TIMELESS: variants seen among roughly 807,000 people sequenced by gnomAD.
TIMELESS encodes timeless circadian regulator, also known as protein timeless homolog.
TIMELESS carries 124 observed loss-of-function variants against 164.3 expected under a neutral mutation model. The observed-to-expected ratio is 0.75, with a 90% CI of 0.65 to 0.88. TIMELESS has a LOEUF of 0.88. Among genes scored for constraint, TIMELESS ranks in the 40% least tolerant of loss-of-function variants. The pLI is 0.00. For synonymous variants in TIMELESS, 564 were observed against 563.4 expected, an observed-to-expected ratio of 1.00 and a Z score of -0.02; for missense variants, 1,422 against 1,491.4, an observed-to-expected ratio of 0.95 and a Z score of 0.77.
chr12:56,442,083 C>CAAAAAAA (rs34126247), intron 1 of TIMELESS, among the ~76,000 whole-genome samples: 5 of 94,306 alleles, frequency 5.3e-5, no homozygotes, highest in Non-Finnish European at 5.9e-5. Context: ...GACTCCGTCT[C>CAAAAAAA]AAAAAAAAAA....
intron 1 of TIMELESS, among the ~76,000 whole-genome samples, chr12:56,444,391 CAT>C (rs1371065761): frequency 6.6e-6 from 1 of 152,178 alleles, no homozygotes; most frequent in Non-Finnish European, 1.5e-5. Context: ...AGCCTAAAAA[CAT>C]ACATATTTCA....
chr12:56,431,722 G>T, intron 7 of TIMELESS, 118 bp from the exon 8 acceptor site: 1 of 1,286,826 alleles, frequency 7.8e-7, no homozygotes, highest in Non-Finnish European at 1.0e-6. Context: ...GCATTGTGCT[G>T]TCGTTCTCCC....
At chr12:56,440,509 C>A (rs1456332404) in intron 1 of TIMELESS, among the ~76,000 whole-genome samples, 1 of 152,210 alleles carries the variant, frequency 6.6e-6, no homozygotes, top group Non-Finnish European at 1.5e-5. Flanking sequence ...CAAGGATCCT[C>A]TTTGAGACCC....
chr12:56,434,089 C>T lies in TIMELESS; in HGVS notation c.82G>A (p.Glu28Lys), dbSNP rs747269036. 2 of 1,614,094 alleles carry T rather than the reference C, an allele frequency of 1.2e-6. No homozygotes were observed. The change falls in exon 2 of 29, where the codon GAA (glutamate) becomes AAA (lysine). Residue 28 changes from glutamate (E) to lysine (K), a missense_variant. Transcript: ENST00000553532. ...AGGTACTCACCTAAGCAATCTGGTT[C>T]CTTATGGTAAGTGTCTCCCTCCAAG... is the stretch of plus-strand genomic sequence containing the variant. ...GYLEGDTYHK[E>K]PDCLESVKDL...
rs1282539914 is a variant in TIMELESS, at chr12:56,433,602, G to T, written c.302C>A (p.Pro101His). 4.3e-6 allele frequency: 7 copies of T among 1,614,098 alleles called. No homozygotes were observed. Among genetic ancestry groups the T allele is most frequent in the African/African-American group, 1.3e-5 (1 of 74,944 alleles). Reference protein sequence around the residue: ...QPALLCFGNLPKEPSFRHHFL... With the variant: ...QPALLCFGNLHKEPSFRHHFL... ...ATGGTGCCGAAAGCTGGGCTCCTTAGGCAGATTGCCAAAACAGAGCAAGGC... is the reference window on the plus strand; with the variant it reads ...ATGGTGCCGAAAGCTGGGCTCCTTATGCAGATTGCCAAAACAGAGCAAGGC... Residue 101 changes from proline to histidine, a missense_variant, in exon 4 of 29, where the codon CCT (proline) becomes CAT (histidine). Coordinates refer to ENST00000553532, the MANE Select transcript of TIMELESS (RefSeq NM_003920.5).
At chr12:56,429,495 GTCTTTT>G (rs1881796863) in intron 10 of TIMELESS, among the ~76,000 whole-genome samples, 2 of 116,002 alleles carry the variant, frequency 1.7e-5, no homozygotes, top group Non-Finnish European at 3.4e-5. Context: ...ACTGCGCCTG[GTCTTTT>G]TTTTTTTTTT....
intron 28 of TIMELESS, 58 bp from the exon 29 acceptor site, chr12:56,417,844 G>A (rs369605266): frequency 6.2e-7 from 1 of 1,613,600 alleles, no homozygotes. Context: ...TAAGGGGTAA[G>A]GACGTGGTAG....
At chr12:56,438,408 C>G (rs1311743794) in intron 1 of TIMELESS, among the ~76,000 whole-genome samples, 1 of 152,028 alleles carries the variant, frequency 6.6e-6, no homozygotes, top group Non-Finnish European at 1.5e-5. Context: ...CCAGGCTGCT[C>G]TGGAACTCCT....
At chr12:56,431,148 G>GT (rs1881864095) in intron 8 of TIMELESS, among the ~76,000 whole-genome samples, 180 bp from the exon 9 acceptor site, 1 of 140,804 alleles carries the variant, frequency 7.1e-6, no homozygotes, top group Admixed American at 7.6e-5. Context: ...GAGGTCGGGA[G>GT]TTTGAGACCA....
rs57127557 is a variant in TIMELESS at position 56,439,167 on chromosome 12, C to CAAAAAAAAAAAAAA, written c.-61-4950_-61-4937dup. On this transcript the variant is annotated intron_variant, in intron 1 of 28. Coordinates refer to ENST00000553532, the MANE Select transcript of TIMELESS (RefSeq NM_003920.5). Reference sequence around the variant, plus strand: ...GGCACCAAGAGTGAAAACTCCTTCTCAAAAAAAAAAAAAAAAAAAAAAAAA... The same window carrying CAAAAAAAAAAAAAA: ...GGCACCAAGAGTGAAAACTCCTTCTCAAAAAAAAAAAAAAAAAAAAAAAAAAAAAAAAAAAAAAA... Among the ~76,000 whole-genome samples the CAAAAAAAAAAAAAA allele has an allele frequency of 5.8e-5, 5 of 85,640 alleles. 2 individuals carry two copies. Among genetic ancestry groups the CAAAAAAAAAAAAAA allele is most frequent in the Non-Finnish European group, 1.1e-4 (5 of 45,510 alleles). The allele number at this position is 85,640 out of a possible 152,430, so 56.2% of individuals were successfully genotyped here.
rs1881301334 is a variant in TIMELESS at position 56,417,460 on chromosome 12, G to T, written c.*256C>A. ...AGGAGCTCCAATAACCAAAAGAAAT[G>T]GTTCCTAGAAGAAGAGAACTAAATC... On this transcript the variant is annotated 3_prime_UTR_variant, in exon 29 of 29. Transcript: ENST00000553532. 2 of 445,628 alleles carry T rather than the reference G, an allele frequency of 4.5e-6. No homozygotes were observed. The highest frequency in any genetic ancestry group is 8.0e-6 in the Non-Finnish European group (2 of 248,834). 27.6% of individuals were successfully genotyped at this position (445,628 alleles called of 1,614,324 possible). A position where few individuals can be genotyped will look rare whatever the true frequency, so the allele number is the denominator to read the frequency against.
chr12:56,429,004 G>A lies in TIMELESS; in HGVS notation c.1183C>T (p.Arg395Trp), dbSNP rs199791167. ...FMAFNRAASFRPGLVSETLSV... is the reference protein window; with the variant it reads ...FMAFNRAASFWPGLVSETLSV... ...AGGGTCTCAGAAACCAGGCCTGGCC[G>A]GAAGGAGGCAGCTCGGTTGAAGGCC... The change falls in exon 11 of 29, where the codon CGG becomes TGG. Residue 395 changes from arginine to tryptophan, a missense_variant. Physicochemically the swap from Arg to Trp is moderately radical, Grantham distance 101 (BLOSUM62 -3). Transcript: ENST00000553532. The A allele has an allele frequency of 3.7e-5, 60 of 1,614,012 alleles. No individual in the cohort carries two copies. Among genetic ancestry groups the A allele is most frequent in the Admixed American group, 3.0e-4 (18 of 59,984 alleles).
At chr12:56,448,715 C>T (rs1461107499) in intron 1 of TIMELESS, among the ~76,000 whole-genome samples, 1 of 151,284 alleles carries the variant, frequency 6.6e-6, no homozygotes, top group East Asian at 1.9e-4. Context: ...GGCGACAGAA[C>T]GAGACTCCGT....
In TIMELESS at chr12:56,432,437, T is replaced by C; in HGVS notation, c.619A>G (p.Ser207Gly). Residue 207 changes from serine to glycine, a missense_variant, in exon 7 of 29, where the codon AGC (serine) becomes GGC (glycine). Physicochemically the swap from Ser to Gly is moderately conservative, Grantham distance 56. Transcript: ENST00000553532. ...CTCCATTGCTCCTCAGCAGACGAGCTGGCCAGAAAGAGGAGCAGGTCATCC... is the reference window on the plus strand; with the variant it reads ...CTCCATTGCTCCTCAGCAGACGAGCCGGCCAGAAAGAGGAGCAGGTCATCC... The part of the protein sequence containing the change: ...GLDDLLLFLA[S>G]SSAEEQWSLH... 6.2e-7 allele frequency: 1 copy of C among 1,614,234 alleles called. No individual in the cohort carries two copies. The highest frequency in any genetic ancestry group is 8.5e-7 in the Non-Finnish European group (1 of 1,180,034).
At chr12:56,431,270 C>T (rs550688465) in intron 8 of TIMELESS, among the ~76,000 whole-genome samples, 3 of 150,958 alleles carry the variant, frequency 2.0e-5, no homozygotes, top group South Asian at 4.2e-4. Flanking sequence ...AGGAGAATCG[C>T]TTGAACCCAG....
intron 14 of TIMELESS, 46 bp downstream of exon 14, chr12:56,424,969 C>T (rs768015792): frequency 6.2e-7 from 1 of 1,613,972 alleles, no homozygotes; most frequent in South Asian, 1.1e-5. Flanking sequence ...GATTGTATAC[C>T]CTGAGCACTA....
intron 1 of TIMELESS, among the ~76,000 whole-genome samples, chr12:56,440,071 A>T (rs1033040345): frequency 6.6e-6 from 1 of 152,140 alleles, no homozygotes; most frequent in Non-Finnish European, 1.5e-5. Flanking sequence ...GAGGCATTAA[A>T]ATGCAAGAAC....
rs749723978 is a variant in TIMELESS, at chr12:56,423,458, A to G, written c.2108T>C (p.Val703Ala). ...TAGTAGCAGCACATAGGCTCGAACGACAGTTGAACATGCAAAGCTGCACCA... is the reference window on the plus strand; with the variant it reads ...TAGTAGCAGCACATAGGCTCGAACGGCAGTTGAACATGCAAAGCTGCACCA... Reference protein sequence around the residue: ...DYLKRFACSTVVRAYVLLLRS... With the variant: ...DYLKRFACSTAVRAYVLLLRS... Residue 703 changes from valine to alanine, a missense_variant, in exon 18 of 29, where the codon GTC (valine) becomes GCC (alanine). Coordinates refer to ENST00000553532, the MANE Select transcript of TIMELESS (RefSeq NM_003920.5). 6.2e-7 allele frequency: 1 copy of G among 1,614,156 alleles called. No homozygotes were observed. Among genetic ancestry groups the G allele is most frequent in the East Asian group, 2.2e-5 (1 of 44,884 alleles).
chr12:56,431,714 A>C, intron 7 of TIMELESS, 110 bp from the exon 8 acceptor site: 2 of 1,353,410 alleles, frequency 1.5e-6, no homozygotes, highest in South Asian at 3.1e-5. Flanking sequence ...TTAATGGGGC[A>C]TTGTGCTGTC....
Sources: gnomAD v4.1 joint callset for allele counts (sites outside exome capture counted in the v4.1 genomes callset) on GRCh38, gnomAD v4.1.1 for gene constraint, MANE v1.5 for transcripts, NCBI Gene and HGNC (gene_info 2026-07-23, HGNC 2026-07-21) for gene names.